The following NTM variants were observed in gnomAD, a reference collection of about 807,000 sequenced individuals.
NTM encodes IgLON family member 2.
NTM carries 13 observed loss-of-function variants against 42.1 expected under a neutral mutation model. That is an observed-to-expected ratio of 0.31 (90% CI 0.20 to 0.49). The LOEUF is 0.49. Ranked by LOEUF, NTM falls within the 20% of genes least tolerant of loss-of-function variation. The probability of loss-of-function intolerance (pLI) is 0.99; values close to 1 mark genes in which losing one functional copy is unlikely to be tolerated. For synonymous variants in NTM, 187 were observed against 179.2 expected, an observed-to-expected ratio of 1.04 and a Z score of -0.35; for missense variants, 373 against 452.8, an observed-to-expected ratio of 0.82 and a Z score of 1.60.
chr11:132,055,519 A>T (rs1212829656), intron 2 of NTM, among the ~76,000 whole-genome samples: 1 of 152,210 alleles, frequency 6.6e-6, no homozygotes, highest in Non-Finnish European at 1.5e-5. Flanking sequence ...CTGTGGCATC[A>T]GGAGTGGCAG....
chr11:131,912,045 G>C (rs572724123), intron 2 of NTM, among the ~76,000 whole-genome samples: 2 of 152,300 alleles, frequency 1.3e-5, no homozygotes, highest in East Asian at 3.9e-4. Flanking sequence ...CCCAAAGGAG[G>C]GGTCTGGCTT....
intron 1 of NTM, among the ~76,000 whole-genome samples, chr11:131,686,872 G>A (rs1258018582): frequency 6.6e-6 from 1 of 152,214 alleles, no homozygotes; most frequent in African/African-American, 2.4e-5. Context: ...CTGGAGGTTG[G>A]AGAATGTTCC....
At chr11:131,859,171 GC>G (rs2046380604) in intron 1 of NTM, among the ~76,000 whole-genome samples, 1 of 152,160 alleles carries the variant, frequency 6.6e-6, no homozygotes, top group South Asian at 2.1e-4. Context: ...TCTTCCTGGT[GC>G]CAGGTATGTT....
intron 1 of NTM, among the ~76,000 whole-genome samples, chr11:131,902,950 A>G (rs1033342021): frequency 3.3e-5 from 5 of 152,210 alleles, no homozygotes; most frequent in African/African-American, 1.2e-4. Context: ...CTATGAACAT[A>G]TGCCTAAATG....
intron 4 of NTM, among the ~76,000 whole-genome samples, chr11:132,289,326 C>T (rs1022668363): frequency 3.9e-5 from 6 of 152,212 alleles, no homozygotes; most frequent in Admixed American, 3.3e-4. Context: ...AGTTCACCAA[C>T]TAAGACTCTG....
chr11:131,914,951 A>G (rs1195495010), intron 2 of NTM, among the ~76,000 whole-genome samples: 1 of 152,234 alleles, frequency 6.6e-6, no homozygotes, highest in African/African-American at 2.4e-5. Flanking sequence ...AGACGAGGAA[A>G]CTGAGGTGTG....
intron 1 of NTM, among the ~76,000 whole-genome samples, chr11:131,464,193 A>T: frequency 6.6e-6 from 1 of 152,050 alleles, no homozygotes; most frequent in East Asian, 1.9e-4. Context: ...TGAAAGTGTC[A>T]GGCAAAGCAA....
intron 2 of NTM, among the ~76,000 whole-genome samples, chr11:132,071,489 G>A (rs1002160924): frequency 6.6e-6 from 1 of 152,262 alleles, no homozygotes; most frequent in African/African-American, 2.4e-5. Flanking sequence ...GAAAGACTGT[G>A]ATAGTAGAAT....
chr11:131,795,048 A>C (rs577923599), intron 1 of NTM: 1 of 882,902 alleles, frequency 1.1e-6, no homozygotes, highest in Non-Finnish European at 1.4e-6. Context: ...AAGGGGGGGA[A>C]AAAAACAGCA....
At chr11:132,247,059 A>G (rs748116700) in intron 4 of NTM, among the ~76,000 whole-genome samples, 1 of 152,180 alleles carries the variant, frequency 6.6e-6, no homozygotes, top group Non-Finnish European at 1.5e-5. Context: ...GAGGCAGCAG[A>G]CAGGCTGCCT....
intron 2 of NTM, among the ~76,000 whole-genome samples, chr11:132,058,947 AGAG>A (rs2080170869): frequency 1.3e-5 from 2 of 152,348 alleles, no homozygotes; most frequent in South Asian, 2.1e-4. Flanking sequence ...AATGTGAAGT[AGAG>A]GAGGAGTGAG....
At chr11:131,915,733 A>G (rs775074106) in intron 2 of NTM, among the ~76,000 whole-genome samples, 28 of 152,304 alleles carry the variant, frequency 1.8e-4, no homozygotes, top group East Asian at 5.8e-4. Flanking sequence ...GGCAAAAGGC[A>G]CATTTTACAC....
At chr11:131,861,721 T>C (rs1283779347) in intron 1 of NTM, among the ~76,000 whole-genome samples, 1 of 151,958 alleles carries the variant, frequency 6.6e-6, no homozygotes, top group Non-Finnish European at 1.5e-5. Context: ...CTAATGAATA[T>C]GTCTTAAAAT....
intron 1 of NTM, among the ~76,000 whole-genome samples, chr11:131,730,630 G>A (rs1042082148): frequency 5.9e-5 from 9 of 151,836 alleles, no homozygotes; most frequent in Non-Finnish European, 2.9e-5. Flanking sequence ...GAGGCTGGGG[G>A]ATTGTTCGAG....
At position 132,001,682 on chromosome 11, in the gene NTM, C is replaced by G. The variant is rs114102296; in HGVS notation, c.167+90034C>G. Among the ~76,000 whole-genome samples the G allele has an allele frequency of 3.8e-3, 574 of 152,210 alleles. 8 individuals carry two copies. Among genetic ancestry groups the G allele is most frequent in the African/African-American group, 0.013 (547 of 41,526 alleles). On this transcript the variant is annotated intron_variant, in intron 2 of 8. Coordinates refer to ENST00000683400, the MANE Select transcript of NTM (RefSeq NM_001352005.2). ...CCCCCCATTACCCAAACATCTCCCA[C>G]CAGGCCCTATGCCAAACACTGGGGA...
chr11:131,487,800 C>T (rs1003348799), intron 1 of NTM, among the ~76,000 whole-genome samples: 58 of 152,160 alleles, frequency 3.8e-4, no homozygotes, highest in Non-Finnish European at 5.7e-4. Context: ...GAGGAAGGTC[C>T]GCCTGCCGGA....
intron 1 of NTM, among the ~76,000 whole-genome samples, chr11:131,809,186 A>G (rs1408386746): frequency 6.6e-6 from 1 of 152,252 alleles, no homozygotes; most frequent in African/African-American, 2.4e-5. Context: ...TAATTTCTTT[A>G]GTCCCTTCCA....
intron 2 of NTM, among the ~76,000 whole-genome samples, chr11:132,023,240 G>A (rs182809518): frequency 1.3e-5 from 2 of 152,336 alleles, no homozygotes; most frequent in Admixed American, 6.5e-5. Context: ...ATGCCATCGT[G>A]GAGCCTGGGG....
At chr11:131,838,525 G>T (rs557762629) in intron 1 of NTM, among the ~76,000 whole-genome samples, 8 of 152,308 alleles carry the variant, frequency 5.3e-5, no homozygotes, top group African/African-American at 1.9e-4. Flanking sequence ...AAATAATAAT[G>T]TCTATCTTTT....
Sources: gnomAD v4.1 joint callset for allele counts (sites outside exome capture counted in the v4.1 genomes callset) on GRCh38, gnomAD v4.1.1 for gene constraint, MANE v1.5 for transcripts, NCBI Gene and HGNC (gene_info 2026-07-23, HGNC 2026-07-21) for gene names.